Variants in RNFT2 observed in about 807,000 individuals in gnomAD.
RNFT2 encodes E3 ubiquitin-protein ligase RNFT2.
A neutral mutation model predicts 53.0 loss-of-function variants in RNFT2; 36 were observed. The ratio of observed to expected loss-of-function variants is 0.68; its 90% CI spans 0.52 to 0.90. RNFT2 has a LOEUF of 0.90. Ranked by LOEUF, RNFT2 falls within the 40% of genes least tolerant of loss-of-function variation. The pLI, the probability that RNFT2 is intolerant of heterozygous loss-of-function variation, is 0.00. For synonymous variants in RNFT2, 260 were observed against 253.2 expected (o/e 1.03, Z -0.26); for missense variants, 514 against 585.6 (o/e 0.88, Z 1.26).
intron 7 of RNFT2, among the ~76,000 whole-genome samples, chr12:116,816,473 G>T (rs1259136507): frequency 2.0e-5 from 3 of 152,200 alleles, no homozygotes; most frequent in African/African-American, 7.2e-5. Context: ...CTCCTCGCCA[G>T]AAGAGCAGAG....
rs945275289 is a variant in RNFT2 at position 116,849,353 on chromosome 12, C to T, written c.1240C>T (p.Arg414Cys). The change falls in exon 11 of 11, where the codon CGT becomes TGT. Residue 414 changes from arginine to cysteine, a missense_variant. By Grantham distance (180) the Arg-to-Cys change is radical. This residue lies in a region of RNFT2 where 273 missense variants were observed against 334.4 expected (regional missense o/e 0.82). Transcript: ENST00000257575. Reference protein sequence around the residue: ...CEECLCLWLDRERTCPLCRSV... With the variant: ...CEECLCLWLDCERTCPLCRSV... ...GGAGTGCCTCTGCCTGTGGCTGGAC[C>T]GTGAGCGCACCTGCCCGCTCTGCCG... The T allele has an allele frequency of 3.2e-6, 5 of 1,545,382 alleles. No homozygotes were observed. Among genetic ancestry groups the T allele is most frequent in the Non-Finnish European group, 4.4e-6 (5 of 1,148,400 alleles).
chr12:116,740,912 T>C (rs966670004), intron 2 of RNFT2, 124 bp from the exon 3 acceptor site: 1 of 774,152 alleles, frequency 1.3e-6, no homozygotes, highest in African/African-American at 1.7e-5. Flanking sequence ...CTTTGGAAAA[T>C]GCCAGAGAGC....
At chr12:116,761,799 A>G (rs1872699643) in intron 5 of RNFT2, among the ~76,000 whole-genome samples, 1 of 152,068 alleles carries the variant, frequency 6.6e-6, no homozygotes, top group Non-Finnish European at 1.5e-5. Context: ...TCCTCCACCC[A>G]CCTGCAGACC....
At chr12:116,846,059 A>G (rs1402662496) in intron 10 of RNFT2, among the ~76,000 whole-genome samples, 2 of 152,072 alleles carry the variant, frequency 1.3e-5, no homozygotes, top group African/African-American at 4.8e-5. Context: ...CCATAATACC[A>G]TGGAAATCTC....
chr12:116,800,630 T>A (rs890838470), intron 7 of RNFT2, among the ~76,000 whole-genome samples: 4 of 58,604 alleles, frequency 6.8e-5, no homozygotes, highest in Non-Finnish European at 2.0e-4. Context: ...CAAGACTCTG[T>A]CTCAAAAAAA....
At chr12:116,841,844 TAAATATATATAA>T (rs1565876036) in intron 10 of RNFT2, among the ~76,000 whole-genome samples, 281 of 26,892 alleles carry the variant, frequency 0.01, 9 homozygotes, top group South Asian at 0.034. Context: ...AATATATATA[TAAATATATATAA>T]AAATATATAT....
intron 7 of RNFT2, among the ~76,000 whole-genome samples, chr12:116,809,744 C>G (rs1875276213): frequency 6.6e-6 from 1 of 152,144 alleles, no homozygotes; most frequent in African/African-American, 2.4e-5. Context: ...ACAATCTCAG[C>G]TCACTGCAAC....
At chr12:116,824,251 A>T (rs1876205251) in intron 7 of RNFT2, among the ~76,000 whole-genome samples, 1 of 152,178 alleles carries the variant, frequency 6.6e-6, no homozygotes, top group Admixed American at 6.5e-5. Flanking sequence ...TCTATGAGCC[A>T]TGCCTATGGG....
Position 116,750,194 on chromosome 12 carries a change from C to A in RNFT2, c.437C>A (p.Pro146His). 1 of 1,602,280 alleles carries A rather than the reference C, an allele frequency of 6.2e-7. No individual in the cohort carries two copies. Among genetic ancestry groups the A allele is most frequent in the Non-Finnish European group, 8.5e-7 (1 of 1,177,898 alleles). Residue 146 changes from proline to histidine, a missense_variant, in exon 4 of 11, where the codon CCT (proline) becomes CAT (histidine). Around this residue, in one of 3 missense-constraint regions of RNFT2, gnomAD observed 237 missense variants for 235.1 expected, o/e 1.01. Coordinates refer to ENST00000257575, the MANE Select transcript of RNFT2 (RefSeq NM_001382266.1). ...TCGGAGGAGGGAGGCGACGAGCAGC[C>A]TGGGACGCCCGCCCCCGCCCTGTCC... is the stretch of plus-strand genomic sequence containing the variant. ...GHSEEGGDEQ[P>H]GTPAPALSEL...
intron 7 of RNFT2, among the ~76,000 whole-genome samples, chr12:116,806,385 TATATATATATATATAG>T (rs1565865909): frequency 5.5e-5 from 6 of 108,826 alleles, no homozygotes; most frequent in African/African-American, 2.2e-4. Context: ...AAAAAAAATA[TATATATATATATATAG>T]ATAGATAGAT....
intron 1 of RNFT2, among the ~76,000 whole-genome samples, 167 bp from the exon 2 acceptor site, chr12:116,740,178 C>T (rs1053595694): frequency 5.6e-4 from 85 of 150,586 alleles, no homozygotes; most frequent in Admixed American, 9.2e-4. Flanking sequence ...CGCACCACTC[C>T]GTCTTAAAAA....
intron 5 of RNFT2, among the ~76,000 whole-genome samples, chr12:116,763,227 A>G (rs1221282120): frequency 2.6e-5 from 4 of 152,132 alleles, no homozygotes; most frequent in African/African-American, 9.7e-5. Context: ...TTAATAGGCA[A>G]TTCTCAAAAG....
At chr12:116,780,669 A>C (rs11611077) in intron 7 of RNFT2, among the ~76,000 whole-genome samples, 4 of 143,716 alleles carry the variant, frequency 2.8e-5, no homozygotes, top group Non-Finnish European at 5.9e-5. Context: ...TGGCATAAAG[A>C]CAAAAAAAAA....
chr12:116,783,722 TG>T (rs1211317688), intron 7 of RNFT2, among the ~76,000 whole-genome samples: 1 of 152,224 alleles, frequency 6.6e-6, no homozygotes, highest in Non-Finnish European at 1.5e-5. Flanking sequence ...TGTTGGCTGC[TG>T]GAATCTTGTT....
chr12:116,806,738 CCT>C (rs1180051642), intron 7 of RNFT2, among the ~76,000 whole-genome samples: 2 of 146,978 alleles, frequency 1.4e-5, no homozygotes, highest in African/African-American at 2.6e-5. Context: ...TACAAGAGAC[CCT>C]CTCTCAAAAA....
chr12:116,821,485 C>T (rs529086992), intron 7 of RNFT2, among the ~76,000 whole-genome samples: 8 of 152,334 alleles, frequency 5.3e-5, no homozygotes, highest in African/African-American at 1.4e-4. Flanking sequence ...CTAACAGGCC[C>T]GCAGGCCACC....
chr12:116,823,415 A>G (rs1470570032), intron 7 of RNFT2, among the ~76,000 whole-genome samples: 2 of 152,160 alleles, frequency 1.3e-5, no homozygotes, highest in Admixed American at 6.5e-5. Context: ...CAAGCGTGGT[A>G]GCTCACACCT....
intron 10 of RNFT2, among the ~76,000 whole-genome samples, chr12:116,836,816 G>A (rs535109004): frequency 6.6e-6 from 1 of 152,062 alleles, no homozygotes; most frequent in African/African-American, 2.4e-5. Context: ...TCTAGTCCCA[G>A]CTACTCTGGA....
chr12:116,759,111 G>A (rs746685210), intron 5 of RNFT2, among the ~76,000 whole-genome samples: 11 of 151,796 alleles, frequency 7.2e-5, no homozygotes, highest in Middle Eastern at 3.4e-3. Context: ...CCTTGTCTTC[G>A]AGCTCTGAAT....
Sources: gnomAD v4.1 joint callset for allele counts (sites outside exome capture counted in the v4.1 genomes callset) on GRCh38, gnomAD v4.1.1 for gene constraint, gnomAD v4.1.1 regional missense constraint, MANE v1.5 for transcripts, NCBI Gene and HGNC (gene_info 2026-07-23, HGNC 2026-07-21) for gene names.